IMMP2L: variants seen among roughly 807,000 people sequenced by gnomAD.
IMMP2L encodes inner mitochondrial membrane peptidase subunit 2.
IMMP2L carries 18 observed loss-of-function variants against 19.3 expected under a neutral mutation model. The observed-to-expected ratio is 0.93, with a 90% CI of 0.64 to 1.38. IMMP2L has a LOEUF of 1.38. IMMP2L is among the 40% of genes most tolerant of loss of function. IMMP2L has a pLI of 0.00. For synonymous variants in IMMP2L, 76 were observed against 73.0 expected (o/e 1.04, Z -0.21); for missense variants, 233 against 218.2 (o/e 1.07, Z -0.43).
In IMMP2L at chr7:110,732,419, A is replaced by C. The variant is rs181650972; in HGVS notation, c.409-68698T>G. Among the ~76,000 whole-genome samples the C allele has an allele frequency of 1.8e-3, 273 of 152,314 alleles. 1 individual carries two copies. The highest frequency in any genetic ancestry group is 4.6e-3 in the African/African-American group (190 of 41,580). ...ATAATCTTTTTCTAATTACAAACAA[A>C]GAGGTCTTTGGAACTGCCTCTCCCT... On this transcript the variant is annotated intron_variant, in intron 5 of 5. Transcript: ENST00000405709.
At chr7:111,073,344 C>T (rs768995932) in intron 3 of IMMP2L, among the ~76,000 whole-genome samples, 2 of 152,040 alleles carry the variant, frequency 1.3e-5, no homozygotes, top group Non-Finnish European at 1.5e-5. Flanking sequence ...CATAAAGGTA[C>T]CAAAATGTTA....
chr7:110,741,577 T>C (rs1796991937), intron 5 of IMMP2L, among the ~76,000 whole-genome samples: 1 of 152,210 alleles, frequency 6.6e-6, no homozygotes. Context: ...ACTGAATCTG[T>C]TGGTGCCATG....
chr7:111,027,444 G>T (rs760711759), intron 3 of IMMP2L, among the ~76,000 whole-genome samples: 10 of 152,020 alleles, frequency 6.6e-5, no homozygotes, highest in Non-Finnish European at 1.2e-4. Context: ...AATCTAAAAT[G>T]ACTAGAATGA....
At position 110,963,081 on chromosome 7, in the gene IMMP2L, T is replaced by A. The variant is rs777309518; in HGVS notation, c.305+419A>T. On this transcript the variant is annotated intron_variant, in intron 4 of 5. Transcript: ENST00000405709. ...TTCTGTTTCATATCCTTTTCAGTTT[T>A]CTCCCATCTCTATGAGTACAAAAGA... 7 of 1,528,024 alleles carry A rather than the reference T, an allele frequency of 4.6e-6. No homozygotes were observed. The African/African-American group carries it at 9.6e-5, about 21-fold the overall frequency. 94.7% of individuals were successfully genotyped at this position (1,528,024 alleles called of 1,614,324 possible).
chr7:111,501,907 G>C (rs919863283), intron 2 of IMMP2L, among the ~76,000 whole-genome samples: 20 of 152,116 alleles, frequency 1.3e-4, no homozygotes, highest in South Asian at 2.1e-4. Context: ...GGAAGAAACT[G>C]CATCAACTAA....
chr7:111,189,151 T>G (rs1052828982), intron 3 of IMMP2L, among the ~76,000 whole-genome samples: 1 of 152,096 alleles, frequency 6.6e-6, no homozygotes, highest in Non-Finnish European at 1.5e-5. Context: ...GTATACTTTT[T>G]ATTGTGGCTA....
At chr7:111,382,661 G>A (rs1831316211) in intron 3 of IMMP2L, among the ~76,000 whole-genome samples, 1 of 151,994 alleles carries the variant, frequency 6.6e-6, no homozygotes, top group African/African-American at 2.4e-5. Flanking sequence ...TGATTAAAGG[G>A]GCAAGAAATG....
chr7:111,117,240 T>C (rs182640450), intron 3 of IMMP2L, among the ~76,000 whole-genome samples: 1 of 152,254 alleles, frequency 6.6e-6, no homozygotes, highest in East Asian at 1.9e-4. Flanking sequence ...ATTCAATTGT[T>C]AGACACCTTT....
chr7:111,507,890 G>C (rs1194631230), intron 2 of IMMP2L, among the ~76,000 whole-genome samples: 10 of 152,120 alleles, frequency 6.6e-5, no homozygotes, highest in Non-Finnish European at 1.3e-4. Context: ...CATCAGGATA[G>C]CCTGAGTTTT....
intron 5 of IMMP2L, among the ~76,000 whole-genome samples, chr7:110,820,260 A>G (rs2131328371): frequency 6.6e-6 from 1 of 152,204 alleles, no homozygotes; most frequent in African/African-American, 2.4e-5. Context: ...GTGAAACTCA[A>G]GTATCATTAA....
intron 3 of IMMP2L, among the ~76,000 whole-genome samples, chr7:111,026,918 G>C (rs1826892344): frequency 6.6e-6 from 1 of 152,098 alleles, no homozygotes; most frequent in East Asian, 1.9e-4. Flanking sequence ...TGCCTCTTGA[G>C]CTACCTGGGG....
intron 5 of IMMP2L, among the ~76,000 whole-genome samples, chr7:110,786,236 T>G (rs1800068980): frequency 6.6e-6 from 1 of 151,994 alleles, no homozygotes; most frequent in Non-Finnish European, 1.5e-5. Flanking sequence ...TAATACATAG[T>G]TACTTGAATC....
intron 3 of IMMP2L, among the ~76,000 whole-genome samples, chr7:111,048,067 G>T (rs1047020485): frequency 6.6e-6 from 1 of 151,180 alleles, no homozygotes; most frequent in Non-Finnish European, 1.5e-5. Flanking sequence ...GTGAAACCCC[G>T]TCTCTACTAA....
intron 3 of IMMP2L, among the ~76,000 whole-genome samples, chr7:111,421,267 CTTTTTTT>C (rs1227013257): frequency 2.4e-5 from 3 of 122,916 alleles, no homozygotes; most frequent in South Asian, 5.7e-4. Flanking sequence ...TTGTTTTTTT[CTTTTTTT>C]TTTTTTTTTT....
intron 3 of IMMP2L, among the ~76,000 whole-genome samples, chr7:111,250,588 C>G (rs375849022): frequency 6.6e-6 from 1 of 152,084 alleles, no homozygotes; most frequent in South Asian, 2.1e-4. Flanking sequence ...AGGGAACTCA[C>G]AAATAAGACT....
chr7:111,220,051 T>C (rs1465049132), intron 3 of IMMP2L, among the ~76,000 whole-genome samples: 1 of 152,074 alleles, frequency 6.6e-6, no homozygotes, highest in Non-Finnish European at 1.5e-5. Flanking sequence ...TATAGAATTA[T>C]GTCACTTATC....
At chr7:110,776,447 G>C (rs921666185) in intron 5 of IMMP2L, among the ~76,000 whole-genome samples, 1 of 151,968 alleles carries the variant, frequency 6.6e-6, no homozygotes, top group Non-Finnish European at 1.5e-5. Flanking sequence ...TTAGCTGTGT[G>C]GCCCCCTTAA....
chr7:111,134,252 T>C (rs1278671556), intron 3 of IMMP2L, among the ~76,000 whole-genome samples: 1 of 152,086 alleles, frequency 6.6e-6, no homozygotes, highest in Non-Finnish European at 1.5e-5. Context: ...ATACCAGACA[T>C]ACTTCTAACT....
chr7:111,026,397 T>C (rs1411916680), intron 3 of IMMP2L, among the ~76,000 whole-genome samples: 1 of 152,082 alleles, frequency 6.6e-6, no homozygotes, highest in Non-Finnish European at 1.5e-5. Context: ...TCCCTTTGCT[T>C]CCCCTTATTG....
Sources: allele counts gnomAD v4.1 joint callset (sites outside exome capture counted in the v4.1 genomes callset), GRCh38; gene constraint gnomAD v4.1.1; transcripts MANE v1.5; gene names NCBI Gene and HGNC (gene_info 2026-07-23, HGNC 2026-07-21).